Variants in DDX10 observed in about 807,000 individuals in gnomAD.
DDX10 encodes the protein DEAD-box helicase 10.
In DDX10, 74 loss-of-function variants were observed where a neutral mutation model predicts 104.3. The observed-to-expected ratio is 0.71, with a 90% CI of 0.59 to 0.86. DDX10 has a LOEUF of 0.86. Among genes scored for constraint, DDX10 ranks in the 40% least tolerant of loss-of-function variants. The probability of loss-of-function intolerance (pLI) is 0.00; values close to 1 mark genes in which losing one functional copy is unlikely to be tolerated. For synonymous variants in DDX10, 351 were observed against 353.4 expected (o/e 0.99, Z 0.08); for missense variants, 952 against 1,040.0 (o/e 0.92, Z 1.16).
chr11:108,727,135 C>CT (rs2094306294), intron 13 of DDX10, among the ~76,000 whole-genome samples: 2 of 151,760 alleles, frequency 1.3e-5, no homozygotes, highest in African/African-American at 2.4e-5. Context: ...TTGCAGTTTT[C>CT]TTTTTTTGCG....
At chr11:108,725,198 G>A (rs922314828) in intron 13 of DDX10, among the ~76,000 whole-genome samples, 3 of 152,070 alleles carry the variant, frequency 2.0e-5, no homozygotes, top group Non-Finnish European at 4.4e-5. Flanking sequence ...TTGGATGGAT[G>A]TAGGTTTTCT....
At chr11:108,781,019 A>G (rs1426596487) in intron 13 of DDX10, among the ~76,000 whole-genome samples, 1 of 152,142 alleles carries the variant, frequency 6.6e-6, no homozygotes, top group Non-Finnish European at 1.5e-5. Flanking sequence ...TGTAGTGAGC[A>G]TAGTACCCAA....
At chr11:108,903,452 A>T (rs1183247008) in intron 16 of DDX10, among the ~76,000 whole-genome samples, 1 of 152,164 alleles carries the variant, frequency 6.6e-6, no homozygotes, top group African/African-American at 2.4e-5. Context: ...TCATCCATGG[A>T]TTCAAACAGA....
At chr11:108,708,428 T>C (rs530585869) in intron 10 of DDX10, among the ~76,000 whole-genome samples, 3 of 151,828 alleles carry the variant, frequency 2.0e-5, no homozygotes, top group East Asian at 3.9e-4. Flanking sequence ...TAATGATTTT[T>C]ATATCTTGTT....
chr11:108,686,855 C>T (rs1237154013), intron 6 of DDX10, among the ~76,000 whole-genome samples: 3 of 151,826 alleles, frequency 2.0e-5, no homozygotes, highest in Non-Finnish European at 4.4e-5. Context: ...CATAATCTCC[C>T]TTCACTGCAA....
rs1862707148 is a variant in DDX10, at chr11:108,845,692, G to C, written c.2247+4216G>C. 2.6e-5 allele frequency among the ~76,000 whole-genome samples: 4 copies of C among 152,052 alleles called. No homozygotes were observed. In the South Asian group the frequency reaches 8.3e-4, roughly 32 times the overall value. ...AAAAACTTCGTAAAACCTATCACAT[G>C]CTTCTGTATTTGACACATTTCTTTT... On this transcript the variant is annotated intron_variant, in intron 15 of 17. Transcript: ENST00000322536.
chr11:108,681,847 A>G (rs1042322655), intron 6 of DDX10, among the ~76,000 whole-genome samples: 1 of 152,232 alleles, frequency 6.6e-6, no homozygotes, highest in African/African-American at 2.4e-5. Context: ...TTAGGTATAT[A>G]CAAATTTAGA....
chr11:108,671,392 G>A (rs1274721063), intron 1 of DDX10, among the ~76,000 whole-genome samples: 1 of 152,206 alleles, frequency 6.6e-6, no homozygotes, highest in Non-Finnish European at 1.5e-5. Flanking sequence ...TTGAACTCCT[G>A]ACCCCAGGTG....
At position 108,917,996 on chromosome 11, in the gene DDX10, G is replaced by A. The variant is rs1300099773; in HGVS notation, c.2428G>A (p.Glu810Lys). The A allele has an allele frequency of 1.2e-6, 2 of 1,613,582 alleles. No homozygotes were observed. Among genetic ancestry groups the A allele is most frequent in the African/African-American group, 2.7e-5 (2 of 74,892 alleles). Reference protein sequence around the residue: ...KYRSSEDSDSEDMENKISDTK... With the variant: ...KYRSSEDSDSKDMENKISDTK... ...CAGAAGCTCTGAAGATTCAGATAGT[G>A]AAGATATGGAAAATAAAATAAGGTA... Residue 810 changes from glutamate (E) to lysine (K), a missense_variant, in exon 17 of 18, where the codon GAA becomes AAA. Physicochemically the swap from Glu to Lys is moderately conservative, Grantham distance 56. This residue lies in a region of DDX10 where 533 missense variants were observed against 534.1 expected (regional missense o/e 1.00). Coordinates refer to ENST00000322536, the MANE Select transcript of DDX10 (RefSeq NM_004398.4).
At chr11:108,733,935 C>T (rs375373404) in intron 13 of DDX10, among the ~76,000 whole-genome samples, 1 of 152,112 alleles carries the variant, frequency 6.6e-6, no homozygotes, top group East Asian at 1.9e-4. Context: ...ACCATTCTTC[C>T]CAGTTTCCAC....
intron 13 of DDX10, among the ~76,000 whole-genome samples, chr11:108,753,806 G>A (rs931021717): frequency 2.0e-5 from 3 of 151,844 alleles, no homozygotes; most frequent in African/African-American, 7.3e-5. Context: ...TTTTTAATTT[G>A]GTGTTACTCT....
At chr11:108,700,474 C>A (rs558580426) in intron 9 of DDX10, among the ~76,000 whole-genome samples, 2 of 152,296 alleles carry the variant, frequency 1.3e-5, no homozygotes, top group Admixed American at 1.3e-4. Context: ...CATCTAATAG[C>A]GCAGACCTGC....
chr11:108,770,195 A>G (rs2094361215), intron 13 of DDX10, among the ~76,000 whole-genome samples: 1 of 152,138 alleles, frequency 6.6e-6, no homozygotes, highest in South Asian at 2.1e-4. Flanking sequence ...TGTGGGGTAC[A>G]TGAGATGTTT....
intron 13 of DDX10, among the ~76,000 whole-genome samples, chr11:108,779,485 A>G (rs965971819): frequency 1.3e-5 from 2 of 151,488 alleles, no homozygotes; most frequent in East Asian, 2.0e-4. Context: ...GAATTGAACA[A>G]TGAGAACACA....
intron 7 of DDX10, among the ~76,000 whole-genome samples, chr11:108,689,585 G>GT (rs1382741769): frequency 6.6e-6 from 1 of 152,154 alleles, no homozygotes; most frequent in Non-Finnish European, 1.5e-5. Context: ...CTTCTGAAGT[G>GT]TTTTGTTTAT....
intron 13 of DDX10, among the ~76,000 whole-genome samples, chr11:108,807,437 C>CT (rs2134564607): frequency 6.6e-6 from 1 of 152,130 alleles, no homozygotes; most frequent in South Asian, 2.1e-4. Flanking sequence ...CTGCAGTACT[C>CT]TTTTTGTATT....
chr11:108,701,455 T>C (rs920631045), intron 9 of DDX10, among the ~76,000 whole-genome samples: 2 of 152,146 alleles, frequency 1.3e-5, no homozygotes, highest in African/African-American at 4.8e-5. Context: ...TCTTGATTAT[T>C]GTATTGTGAG....
rs150602409 is a variant in DDX10, at chr11:108,741,441, G to T, written c.1965+17979G>T. On this transcript the variant is annotated intron_variant, in intron 13 of 17. Coordinates refer to ENST00000322536, the MANE Select transcript of DDX10 (RefSeq NM_004398.4). ...TTGATTGTTCCTATCTGTGGGGATA[G>T]AATGTTTTTCCATTTGTTTGTGTCC... Among the ~76,000 whole-genome samples, 548 of 152,272 alleles carry T rather than the reference G, an allele frequency of 3.6e-3. 5 individuals carry two copies. The highest frequency in any genetic ancestry group is 0.028 in the South Asian group (133 of 4,826).
intron 13 of DDX10, among the ~76,000 whole-genome samples, chr11:108,732,199 C>T (rs1307343827): frequency 6.6e-6 from 1 of 152,122 alleles, no homozygotes; most frequent in Non-Finnish European, 1.5e-5. Flanking sequence ...TTACCATATA[C>T]TGAACACTTT....
Sources: allele counts gnomAD v4.1 joint callset (sites outside exome capture counted in the v4.1 genomes callset), GRCh38; gene constraint gnomAD v4.1.1; regional missense constraint gnomAD v4.1.1; transcripts MANE v1.5; gene names NCBI Gene and HGNC (gene_info 2026-07-23, HGNC 2026-07-21).